The following NFIB variants were observed in gnomAD, a reference collection of about 807,000 sequenced individuals.
The protein encoded by NFIB is nuclear factor I B, also known as nuclear factor 1 B-type.
NFIB carries 11 observed loss-of-function variants against 61.5 expected under a neutral mutation model. The observed-to-expected ratio is 0.18, with a 90% CI of 0.11 to 0.30. The LOEUF is 0.30. Ranked by LOEUF, NFIB falls within the 10% of genes least tolerant of loss-of-function variation. The pLI, the probability that NFIB is intolerant of heterozygous loss-of-function variation, is 1.00. For synonymous variants in NFIB, 260 were observed against 216.5 expected, an observed-to-expected ratio of 1.20 and a Z score of -1.76; for missense variants, 471 against 608.9, an observed-to-expected ratio of 0.77 and a Z score of 2.38.
chr9:14,426,625 C>A, the NFIB span, among the ~76,000 whole-genome samples: 1 of 152,186 alleles, frequency 6.6e-6, no homozygotes, highest in Non-Finnish European at 1.5e-5. Context: ...TCTGTCCCAA[C>A]CAGCTCATCA....
chr9:14,140,920 CAG>C (rs1485745937), intron 6 of NFIB, among the ~76,000 whole-genome samples: 1 of 151,924 alleles, frequency 6.6e-6, no homozygotes, highest in Middle Eastern at 3.2e-3. Flanking sequence ...GGGCAACAGA[CAG>C]AGAAAAAACA....
At chr9:14,524,970 A>G in the NFIB span, among the ~76,000 whole-genome samples, 3 of 152,230 alleles carry the variant, frequency 2.0e-5, no homozygotes, top group Non-Finnish European at 2.9e-5. Flanking sequence ...GTAAACAGAT[A>G]TCATCAAAAC....
At chr9:14,254,031 G>T (rs948959642) in intron 2 of NFIB, among the ~76,000 whole-genome samples, 1 of 152,116 alleles carries the variant, frequency 6.6e-6, no homozygotes, top group African/African-American at 2.4e-5. Flanking sequence ...GCCAGTCATG[G>T]TAGCTCATGC....
At chr9:14,150,393 T>C in intron 4 of NFIB, 128 bp from the exon 5 acceptor site, 1 of 1,462,410 alleles carries the variant, frequency 6.8e-7, no homozygotes, top group Non-Finnish European at 9.2e-7. Flanking sequence ...CTTAAGCCTC[T>C]AATACCCACC....
the NFIB span, among the ~76,000 whole-genome samples, chr9:14,426,943 T>A: frequency 2.0e-5 from 3 of 152,178 alleles, no homozygotes; most frequent in Non-Finnish European, 4.4e-5. Context: ...ATTCCCTCTT[T>A]TCTGCTTGTG....
chr9:14,427,604 G>C, the NFIB span, among the ~76,000 whole-genome samples: 4 of 152,156 alleles, frequency 2.6e-5, no homozygotes, highest in Non-Finnish European at 5.9e-5. Context: ...AGCTCAGCTT[G>C]GAAGCCCACA....
the NFIB span, among the ~76,000 whole-genome samples, chr9:14,419,527 T>A: frequency 4.6e-5 from 7 of 152,218 alleles, no homozygotes; most frequent in South Asian, 1.0e-3. Flanking sequence ...ATTTTGAAAT[T>A]TTTGATTTTT....
the NFIB span, among the ~76,000 whole-genome samples, chr9:14,476,763 T>A: frequency 6.6e-6 from 1 of 152,106 alleles, no homozygotes; most frequent in Non-Finnish European, 1.5e-5. Flanking sequence ...ACTAAAACCC[T>A]GGGGTGAGAT....
At chr9:14,201,568 C>G (rs1563895073) in intron 2 of NFIB, among the ~76,000 whole-genome samples, 1 of 152,192 alleles carries the variant, frequency 6.6e-6, no homozygotes, top group Non-Finnish European at 1.5e-5. Flanking sequence ...AATGAGACCA[C>G]CCTCTGGGGC....
intron 2 of NFIB, among the ~76,000 whole-genome samples, chr9:14,248,456 G>A (rs546096063): frequency 2.0e-5 from 3 of 151,522 alleles, no homozygotes; most frequent in African/African-American, 7.3e-5. Flanking sequence ...TTTTTTGTGG[G>A]GATGGGATCT....
chr9:14,524,293 T>C, the NFIB span, among the ~76,000 whole-genome samples: 5 of 152,298 alleles, frequency 3.3e-5, no homozygotes, highest in East Asian at 7.7e-4. Flanking sequence ...TAAACATTCA[T>C]ACCTATAGCA....
At chr9:14,114,080 C>A (rs1034912810) in intron 9 of NFIB, among the ~76,000 whole-genome samples, 1 of 152,154 alleles carries the variant, frequency 6.6e-6, no homozygotes, top group Non-Finnish European at 1.5e-5. Context: ...AATGAGGAAT[C>A]CAGGCTTCAT....
At chr9:14,159,601 C>T (rs1428502404) in intron 3 of NFIB, among the ~76,000 whole-genome samples, 6 of 152,146 alleles carry the variant, frequency 3.9e-5, no homozygotes, top group East Asian at 3.8e-4. Flanking sequence ...GCCTTTGTAA[C>T]GGACAGGCAT....
intron 2 of NFIB, among the ~76,000 whole-genome samples, chr9:14,249,789 C>A (rs2055374095): frequency 6.6e-6 from 1 of 151,910 alleles, no homozygotes; most frequent in African/African-American, 2.4e-5. Flanking sequence ...GAAGGTAATT[C>A]CACAACCCCT....
At chr9:14,221,445 G>A (rs1375253634) in intron 2 of NFIB, among the ~76,000 whole-genome samples, 1 of 152,148 alleles carries the variant, frequency 6.6e-6, no homozygotes, top group Non-Finnish European at 1.5e-5. Flanking sequence ...ATTTATATGT[G>A]CATTATTATT....
exon 1 of NFIB, chr9:14,398,772 T>A: frequency 1.7e-6 from 1 of 584,878 alleles, no homozygotes; most frequent in Non-Finnish European, 2.9e-6. Context: ...CCGAAGAGTT[T>A]GAGGGTGACT....
At chr9:14,489,174 A>G in the NFIB span, among the ~76,000 whole-genome samples, 44 of 152,360 alleles carry the variant, frequency 2.9e-4, no homozygotes, top group African/African-American at 9.9e-4. Context: ...TAGAAGATCT[A>G]TAGTTTTATC....
chr9:14,114,600 AT>A (rs2037854342), intron 9 of NFIB, among the ~76,000 whole-genome samples: 1 of 152,206 alleles, frequency 6.6e-6, no homozygotes, highest in Non-Finnish European at 1.5e-5. Context: ...CCTTTTGAAT[AT>A]TTTGTAATTT....
chr9:14,175,482 AAAGAATTTCTT>A (rs1400552922), intron 3 of NFIB, among the ~76,000 whole-genome samples: 1 of 152,116 alleles, frequency 6.6e-6, no homozygotes, highest in African/African-American at 2.4e-5. Context: ...CCAGCGACTT[AAAGAATTTCTT>A]AAGTGCAAGA....
Sources: allele counts gnomAD v4.1 joint callset (sites outside exome capture counted in the v4.1 genomes callset), GRCh38; gene constraint gnomAD v4.1.1; transcripts MANE v1.5; gene names NCBI Gene and HGNC (gene_info 2026-07-23, HGNC 2026-07-21).